CASR: variants seen among roughly 807,000 people sequenced by gnomAD.
The protein encoded by CASR is calcium sensing receptor.
A neutral mutation model predicts 69.1 loss-of-function variants in CASR; 23 were observed. That is an observed-to-expected ratio of 0.33 (90% confidence interval 0.24 to 0.47). CASR has a LOEUF of 0.47. Among genes scored for constraint, CASR ranks in the 20% least tolerant of loss-of-function variants. CASR has a pLI of 1.00. For synonymous variants in CASR, 541 were observed against 544.7 expected, an observed-to-expected ratio of 0.99 and a Z score of 0.10; for missense variants, 924 against 1,356.1, an observed-to-expected ratio of 0.68 and a Z score of 5.00.
At chr3:122,210,358 CT>C (rs2074051104) in intron 1 of CASR, among the ~76,000 whole-genome samples, 1 of 152,166 alleles carries the variant, frequency 6.6e-6, no homozygotes, top group Non-Finnish European at 1.5e-5. Context: ...ATCCCAAAAG[CT>C]GCTTAAGCTG....
At chr3:122,238,727 A>G (rs1304947682) in intron 1 of CASR, among the ~76,000 whole-genome samples, 1 of 152,198 alleles carries the variant, frequency 6.6e-6, no homozygotes, top group Non-Finnish European at 1.5e-5. Flanking sequence ...TGCACCTTGG[A>G]TACCAGCTCA....
Position 122,284,871 on chromosome 3 carries a change from GT to G in CASR, c.2918del (p.Val973AlafsTer5). On this transcript the variant is annotated frameshift_variant, in exon 7 of 7. Coordinates refer to ENST00000639785, the MANE Select transcript of CASR (RefSeq NM_000388.4). LOFTEE classifies it low-confidence loss of function (END_TRUNC). ...KQKVIFGSGT[V>X]TFSLSFDEPQ... ...GAAGGTCATCTTTGGCAGCGGCACGGTCACCTTCTCACTGAGCTTTGATGAG... is the reference window on the plus strand; with the variant it reads ...GAAGGTCATCTTTGGCAGCGGCACGGCACCTTCTCACTGAGCTTTGATGAG... 6.2e-7 allele frequency: 1 copy of G among 1,614,150 alleles called. No homozygotes were observed. The highest frequency in any genetic ancestry group is 1.1e-5 in the South Asian group (1 of 91,084).
At chr3:122,266,024 C>T (rs2074689458) in intron 4 of CASR, among the ~76,000 whole-genome samples, 1 of 152,078 alleles carries the variant, frequency 6.6e-6, no homozygotes, top group African/African-American at 2.4e-5. Context: ...ACCACAGGAA[C>T]TGGGCAAGAT....
At chr3:122,185,634 G>C (rs1386371281) in intron 1 of CASR, among the ~76,000 whole-genome samples, 3 of 152,220 alleles carry the variant, frequency 2.0e-5, no homozygotes, top group Non-Finnish European at 2.9e-5. Context: ...TAACACCACA[G>C]TAGTTCCTAT....
At chr3:122,190,031 T>C (rs909948263) in intron 1 of CASR, among the ~76,000 whole-genome samples, 8 of 152,186 alleles carry the variant, frequency 5.3e-5, no homozygotes, top group Non-Finnish European at 1.2e-4. Context: ...TCCAGTCTGG[T>C]AGCCCTTGTG....
intron 1 of CASR, among the ~76,000 whole-genome samples, chr3:122,220,049 C>T (rs1287866234): frequency 1.3e-5 from 2 of 152,184 alleles, no homozygotes; most frequent in Non-Finnish European, 2.9e-5. Context: ...CATGTTGTGT[C>T]TACTGCGATG....
intron 1 of CASR, among the ~76,000 whole-genome samples, chr3:122,221,390 AC>A (rs1352184245): frequency 6.6e-6 from 1 of 152,114 alleles, no homozygotes; most frequent in East Asian, 1.9e-4. Flanking sequence ...CAGCTCTAGG[AC>A]ACCCCTGCCC....
chr3:122,211,909 A>C (rs1322938647), intron 1 of CASR, among the ~76,000 whole-genome samples: 4 of 152,166 alleles, frequency 2.6e-5, no homozygotes, highest in Non-Finnish European at 2.9e-5. Flanking sequence ...GTAAAGAAAC[A>C]ACAGATGCTG....
intron 4 of CASR, among the ~76,000 whole-genome samples, chr3:122,268,555 C>A (rs1438031731): frequency 6.6e-6 from 1 of 152,188 alleles, no homozygotes; most frequent in East Asian, 1.9e-4. Flanking sequence ...CACCTCGGTC[C>A]TTACACAAAG....
At chr3:122,213,837 A>G (rs1165727441) in intron 1 of CASR, among the ~76,000 whole-genome samples, 1 of 152,256 alleles carries the variant, frequency 6.6e-6, no homozygotes, top group African/African-American at 2.4e-5. Flanking sequence ...ACTTACTCAT[A>G]CTGGCTCCTG....
Position 122,285,533 on chromosome 3 carries a change from G to A in CASR, c.*342G>A, listed in dbSNP as rs1212798766. On this transcript the variant is annotated 3_prime_UTR_variant, in exon 7 of 7. Coordinates refer to ENST00000639785, the MANE Select transcript of CASR (RefSeq NM_000388.4). The stretch of plus-strand genomic sequence containing the variant: ...ATGGCTTTAAACTACCCTCCAGAGT[G>A]TGCAGACTGATGGGACATCAAATTT... 2 of 302,572 alleles carry A rather than the reference G, an allele frequency of 6.6e-6. No homozygotes were observed. Among genetic ancestry groups the A allele is most frequent in the East Asian group, 7.9e-5 (1 of 12,632 alleles). The allele number at this position is 302,572 out of a possible 1,614,324, so 18.7% of individuals were successfully genotyped here.
At chr3:122,227,252 A>G (rs7627468) in intron 1 of CASR, among the ~76,000 whole-genome samples, 112,293 of 151,954 alleles carry the variant, frequency 0.74, 41,679 homozygotes, top group Admixed American at 0.83. Context: ...ACTGGGCTCC[A>G]TGGAGCAGGG....
At chr3:122,220,665 A>G (rs1378756596) in intron 1 of CASR, among the ~76,000 whole-genome samples, 1 of 152,192 alleles carries the variant, frequency 6.6e-6, no homozygotes, top group Non-Finnish European at 1.5e-5. Context: ...TGATTCAACA[A>G]CGTACATTAA....
chr3:122,263,913 C>A (rs919514530), intron 4 of CASR, among the ~76,000 whole-genome samples: 1 of 152,090 alleles, frequency 6.6e-6, no homozygotes, highest in Non-Finnish European at 1.5e-5. Context: ...GTGGTTGTTA[C>A]TATTGTCTTT....
rs1559955229 is a variant in CASR at position 122,254,205 on chromosome 3, T to G, written c.16T>G (p.Cys6Gly). 3 of 1,613,218 alleles carry G rather than the reference T, an allele frequency of 1.9e-6. No homozygotes were observed. The highest frequency in any genetic ancestry group is 2.5e-6 in the Non-Finnish European group (3 of 1,180,018). The change falls in exon 2 of 7, where the codon TGC becomes GGC. Residue 6 changes from cysteine to glycine, a missense_variant. Coordinates refer to ENST00000639785, the MANE Select transcript of CASR (RefSeq NM_000388.4). Reference protein sequence around the residue: MAFYSCCWVLLALTWH... With the variant: MAFYSGCWVLLALTWH... ...CGGCAGAACCATGGCATTTTATAGC[T>G]GCTGCTGGGTCCTCTTGGCACTCAC...
chr3:122,208,237 T>A (rs1319834105), intron 1 of CASR, among the ~76,000 whole-genome samples: 1 of 152,134 alleles, frequency 6.6e-6, no homozygotes, highest in Non-Finnish European at 1.5e-5. Flanking sequence ...CTTTGTTTTT[T>A]CTTTAGACGG....
Position 122,288,565 on chromosome 3 carries a change from C to T in CASR, c.*3374C>T, listed in dbSNP as rs987347508. On this transcript the variant is annotated 3_prime_UTR_variant, in exon 7 of 7. Transcript: ENST00000639785. ...TCCTCTTCCCTTCACCTAGCTCACT[C>T]CTTCCCCTCTAATATTCTATTCCTC... 1.3e-5 allele frequency: 2 copies of T among 152,116 alleles called. No individual in the cohort carries two copies. The highest frequency in any genetic ancestry group is 4.8e-5 in the African/African-American group (2 of 41,432). The allele number at this position is 152,116 out of a possible 1,614,324, so 9.4% of individuals were successfully genotyped here.
At chr3:122,274,085 C>T (rs1016271062) in intron 4 of CASR, among the ~76,000 whole-genome samples, 1 of 152,170 alleles carries the variant, frequency 6.6e-6, no homozygotes, top group East Asian at 1.9e-4. Context: ...GACACAAATC[C>T]TTAGTAGGAG....
At chr3:122,251,548 A>G (rs2074483465) in intron 1 of CASR, among the ~76,000 whole-genome samples, 1 of 152,210 alleles carries the variant, frequency 6.6e-6, no homozygotes. Flanking sequence ...AATTAAGGAC[A>G]TCTGAAAGCT....
Sources: allele counts gnomAD v4.1 joint callset (sites outside exome capture counted in the v4.1 genomes callset), GRCh38; gene constraint gnomAD v4.1.1; transcripts MANE v1.5; gene names NCBI Gene and HGNC (gene_info 2026-07-23, HGNC 2026-07-21).